The following ATP6V1A variants were observed in gnomAD, a reference collection of about 807,000 sequenced individuals.
ATP6V1A encodes ATPase H+ transporting V1 subunit A.
Under a neutral mutation model 70.1 loss-of-function variants are expected in ATP6V1A, and 18 were observed. The observed-to-expected ratio is 0.26, with a 90% CI of 0.18 to 0.38. The LOEUF (loss-of-function observed/expected upper bound fraction) is 0.38. Among genes scored for constraint, ATP6V1A ranks in the 10% least tolerant of loss-of-function variants. The pLI is 1.00. For missense variants in ATP6V1A, 424 were observed against 772.4 expected (o/e 0.55, Z 5.35); for synonymous variants, 232 against 253.8 (o/e 0.91, Z 0.82).
intron 1 of ATP6V1A, among the ~76,000 whole-genome samples, chr3:113,767,795 C>T (rs1481018283): frequency 2.0e-5 from 3 of 152,052 alleles, no homozygotes; most frequent in Non-Finnish European, 4.4e-5. Context: ...GGATTATAGG[C>T]ACCTGCCACC....
chr3:113,803,920 C>G (rs1439867699), intron 13 of ATP6V1A, among the ~76,000 whole-genome samples: 1 of 152,138 alleles, frequency 6.6e-6, no homozygotes, highest in Non-Finnish European at 1.5e-5. Context: ...TTAATTGTGG[C>G]TTAGTGCAGA....
At chr3:113,762,343 CG>C (rs1413480688) in intron 1 of ATP6V1A, among the ~76,000 whole-genome samples, 11 of 151,752 alleles carry the variant, frequency 7.2e-5, no homozygotes, top group Non-Finnish European at 1.5e-4. Context: ...CCAAAGCGGG[CG>C]GATCACCTGA....
At chr3:113,751,454 C>G (rs548890681) in intron 1 of ATP6V1A, among the ~76,000 whole-genome samples, 201 of 151,282 alleles carry the variant, frequency 1.3e-3, no homozygotes, top group Non-Finnish European at 2.5e-3. Context: ...ATTGACTTTT[C>G]CTTAATGTTG....
chr3:113,783,954 A>AT (rs1412736315), intron 3 of ATP6V1A, among the ~76,000 whole-genome samples: 2 of 152,142 alleles, frequency 1.3e-5, no homozygotes, highest in African/African-American at 4.8e-5. Flanking sequence ...TTATGCATAT[A>AT]TTTTTTCAAA....
intron 1 of ATP6V1A, among the ~76,000 whole-genome samples, chr3:113,776,346 C>T (rs748691102): frequency 2.0e-5 from 3 of 152,040 alleles, no homozygotes; most frequent in East Asian, 1.9e-4. Context: ...CTCCAGCCTG[C>T]GTGACAGCGA....
At chr3:113,788,215 ATT>A (rs1290247131) in intron 6 of ATP6V1A, among the ~76,000 whole-genome samples, 1 of 151,874 alleles carries the variant, frequency 6.6e-6, no homozygotes. Flanking sequence ...GCCTAGCCTT[ATT>A]TTATCTTATT....
At chr3:113,797,629 ATAAT>A (rs1423951871) in intron 11 of ATP6V1A, among the ~76,000 whole-genome samples, 3 of 152,218 alleles carry the variant, frequency 2.0e-5, no homozygotes, top group African/African-American at 7.2e-5. Flanking sequence ...TTGTACCATA[ATAAT>A]TTTCAAAAGA....
intron 11 of ATP6V1A, among the ~76,000 whole-genome samples, chr3:113,796,858 C>CA (rs1709157309): frequency 6.6e-6 from 1 of 152,198 alleles, no homozygotes; most frequent in Non-Finnish European, 1.5e-5. Flanking sequence ...TTTGCCCTTA[C>CA]AAAAATCACT....
intron 1 of ATP6V1A, among the ~76,000 whole-genome samples, chr3:113,772,589 G>A (rs1165974197): frequency 2.0e-5 from 3 of 151,908 alleles, no homozygotes; most frequent in Non-Finnish European, 2.9e-5. Flanking sequence ...TTAGCCGGGC[G>A]TGGTGGCAGG....
At chr3:113,790,951 A>G (rs1426842863) in intron 8 of ATP6V1A, among the ~76,000 whole-genome samples, 1 of 151,932 alleles carries the variant, frequency 6.6e-6, no homozygotes, top group African/African-American at 2.4e-5. Context: ...TTCCTTTTGT[A>G]GGTGATTTTT....
chr3:113,762,339 C>G (rs1028142685), intron 1 of ATP6V1A, among the ~76,000 whole-genome samples: 6 of 151,782 alleles, frequency 4.0e-5, no homozygotes, highest in Admixed American at 1.3e-4. Context: ...GAGGCCAAAG[C>G]GGGCGGATCA....
At chr3:113,802,040 A>G (rs1709219114) in intron 12 of ATP6V1A, among the ~76,000 whole-genome samples, 2 of 152,170 alleles carry the variant, frequency 1.3e-5, no homozygotes, top group South Asian at 4.1e-4. Context: ...GGCAACACTA[A>G]TACTATCTCT....
At chr3:113,778,230 C>G (rs1708937943) in intron 1 of ATP6V1A, among the ~76,000 whole-genome samples, 1 of 151,954 alleles carries the variant, frequency 6.6e-6, no homozygotes, top group Non-Finnish European at 1.5e-5. Context: ...CCTGTCTCTA[C>G]TAAAAATACA....
At chr3:113,806,814 T>C (rs954635588) in intron 14 of ATP6V1A, among the ~76,000 whole-genome samples, 2 of 152,222 alleles carry the variant, frequency 1.3e-5, no homozygotes, top group Admixed American at 1.3e-4. Flanking sequence ...AAGATAAAAA[T>C]AGATAATTAA....
intron 3 of ATP6V1A, among the ~76,000 whole-genome samples, chr3:113,782,519 T>C (rs2108028077): frequency 7.1e-6 from 1 of 141,486 alleles, no homozygotes; most frequent in East Asian, 2.0e-4. Context: ...GTATTTTTCT[T>C]TCCTTTCTCT....
At chr3:113,771,883 G>C (rs186799029) in intron 1 of ATP6V1A, among the ~76,000 whole-genome samples, 1 of 152,294 alleles carries the variant, frequency 6.6e-6, no homozygotes, top group East Asian at 1.9e-4. Flanking sequence ...ATATACAAGA[G>C]CATGCCAAGA....
intron 8 of ATP6V1A, among the ~76,000 whole-genome samples, chr3:113,793,441 G>C (rs371868023): frequency 6.6e-6 from 1 of 152,124 alleles, no homozygotes; most frequent in African/African-American, 2.4e-5. Flanking sequence ...TTTATCTCTT[G>C]ATTTTGTCTG....
chr3:113,783,750 G>A (rs914460407), intron 3 of ATP6V1A, among the ~76,000 whole-genome samples: 1 of 152,170 alleles, frequency 6.6e-6, no homozygotes, highest in Non-Finnish European at 1.5e-5. Context: ...TTTTGTCAAT[G>A]ATGTCATATC....
chr3:113,777,395 G>A (rs369019562), intron 1 of ATP6V1A, among the ~76,000 whole-genome samples: 1 of 152,190 alleles, frequency 6.6e-6, no homozygotes, highest in Non-Finnish European at 1.5e-5. Flanking sequence ...TAGGGAAGGA[G>A]GAAGGATGTT....
Sources: gnomAD v4.1 joint callset for allele counts (sites outside exome capture counted in the v4.1 genomes callset) on GRCh38, gnomAD v4.1.1 for gene constraint, MANE v1.5 for transcripts, NCBI Gene and HGNC (gene_info 2026-07-23, HGNC 2026-07-21) for gene names.